YES1: variants seen among roughly 807,000 people sequenced by gnomAD.
YES1 encodes tyrosine-protein kinase Yes.
Under a neutral mutation model 70.4 loss-of-function variants are expected in YES1, and 39 were observed. The observed-to-expected ratio is 0.55, with a 90% CI of 0.43 to 0.72. YES1 has a LOEUF of 0.72. Ranked by LOEUF, YES1 falls within the 30% of genes least tolerant of loss-of-function variation. The pLI, the probability that YES1 is intolerant of heterozygous loss-of-function variation, is 0.00. For missense variants in YES1, 495 were observed against 644.8 expected (o/e 0.77, Z 2.52); for synonymous variants, 198 against 218.6 (o/e 0.91, Z 0.83).
chr18:764,993 C>T (rs1904806830), intron 1 of YES1, among the ~76,000 whole-genome samples: 1 of 151,868 alleles, frequency 6.6e-6, no homozygotes, highest in Non-Finnish European at 1.5e-5. Flanking sequence ...CTTAGCCTCC[C>T]AAAGGGCTGA....
chr18:734,189 G>C (rs564932454), intron 10 of YES1, among the ~76,000 whole-genome samples: 54 of 151,168 alleles, frequency 3.6e-4, no homozygotes, highest in Admixed American at 3.5e-3. Context: ...TGAGGCAGGA[G>C]AATTGCTTGA....
Position 749,631 on chromosome 18 carries a change from G to A in YES1, c.372-1613C>T, listed in dbSNP as rs569470958. Among the ~76,000 whole-genome samples the A allele has an allele frequency of 3.9e-5, 6 of 152,010 alleles. No individual in the cohort carries two copies. In the South Asian group the frequency reaches 8.3e-4, roughly 21 times the overall value. ...AGCACTTTGGGAGACCGAGGCAGGCGGATCACAAGGTCAGGAGATCGAGAC... is the reference window on the plus strand; with the variant it reads ...AGCACTTTGGGAGACCGAGGCAGGCAGATCACAAGGTCAGGAGATCGAGAC... On this transcript the variant is annotated intron_variant, in intron 3 of 11. Coordinates refer to ENST00000314574, the MANE Select transcript of YES1 (RefSeq NM_005433.4).
chr18:764,837 A>G (rs569644610), intron 1 of YES1, among the ~76,000 whole-genome samples: 33 of 151,692 alleles, frequency 2.2e-4, no homozygotes, highest in Admixed American at 1.9e-3. Context: ...GGTTCATGCG[A>G]TTCTCCTGCC....
At chr18:776,466 C>T (rs1022132403) in intron 1 of YES1, among the ~76,000 whole-genome samples, 3 of 151,984 alleles carry the variant, frequency 2.0e-5, no homozygotes, top group Non-Finnish European at 2.9e-5. Flanking sequence ...ATATGTTTAC[C>T]GGACATTATC....
intron 1 of YES1, among the ~76,000 whole-genome samples, chr18:785,600 G>A (rs114510419): frequency 1.1e-3 from 171 of 152,266 alleles, no homozygotes; most frequent in African/African-American, 4.0e-3. Context: ...AAGTTCACGT[G>A]TTGGAAGCTT....
At position 789,351 on chromosome 18, in the gene YES1, G is replaced by A. The variant is rs182004191; in HGVS notation, c.-9+22763C>T. Among the ~76,000 whole-genome samples the A allele has an allele frequency of 5.7e-3, 873 of 152,270 alleles. 6 individuals carry two copies. The highest frequency in any genetic ancestry group is 8.2e-3 in the Non-Finnish European group (560 of 68,024). ...AATCCCAACACTTTGGGAGGCTGAG[G>A]TGGGAGGATGGCTTGAGCCCAGGAG... On this transcript the variant is annotated intron_variant, in intron 1 of 11. Transcript: ENST00000314574.
chr18:786,496 T>TAC (rs56410052), intron 1 of YES1, among the ~76,000 whole-genome samples: 48,240 of 139,262 alleles, frequency 0.35, 8,313 homozygotes, highest in South Asian at 0.4. Context: ...AATAAGTCCA[T>TAC]ACACACACAC....
At chr18:728,008 T>C (rs922677800) in intron 11 of YES1, among the ~76,000 whole-genome samples, 5 of 152,168 alleles carry the variant, frequency 3.3e-5, no homozygotes, top group African/African-American at 1.2e-4. Flanking sequence ...CATAATGAGA[T>C]ATCTTAAGGG....
At chr18:774,333 G>A (rs1318330242) in intron 1 of YES1, among the ~76,000 whole-genome samples, 2 of 152,110 alleles carry the variant, frequency 1.3e-5, no homozygotes, top group Non-Finnish European at 2.9e-5. Flanking sequence ...GCAAATTGAT[G>A]ATTACCAGGT....
At chr18:780,183 C>T (rs138469185) in intron 1 of YES1, among the ~76,000 whole-genome samples, 54 of 152,230 alleles carry the variant, frequency 3.5e-4, no homozygotes, top group African/African-American at 1.3e-3. Flanking sequence ...CAAGATCATG[C>T]CACTGCCCTC....
intron 1 of YES1, among the ~76,000 whole-genome samples, chr18:805,197 T>C (rs1907039489): frequency 6.6e-6 from 1 of 152,192 alleles, no homozygotes; most frequent in Non-Finnish European, 1.5e-5. Flanking sequence ...ACCTACGTGG[T>C]ATAGCTGACT....
At chr18:738,674 A>G (rs1318970879) in intron 9 of YES1, 1 of 137,682 alleles carries the variant, frequency 7.3e-6, no homozygotes, top group African/African-American at 2.8e-5. Context: ...TGGGTGACAG[A>G]GCGAGACTCC....
chr18:784,695 A>G (rs1905848160), intron 1 of YES1, among the ~76,000 whole-genome samples: 1 of 152,112 alleles, frequency 6.6e-6, no homozygotes, highest in Non-Finnish European at 1.5e-5. Context: ...TAAGGCCTGG[A>G]ATGTTGTCTC....
At chr18:798,777 T>C (rs546073764) in intron 1 of YES1, among the ~76,000 whole-genome samples, 3 of 152,224 alleles carry the variant, frequency 2.0e-5, no homozygotes, top group African/African-American at 7.2e-5. Flanking sequence ...ACACTGTCCA[T>C]TAGAATTTTA....
chr18:733,810 A>G (rs1475493323), intron 10 of YES1, among the ~76,000 whole-genome samples: 1 of 142,758 alleles, frequency 7.0e-6, no homozygotes, highest in Non-Finnish European at 1.5e-5. Flanking sequence ...AAAAAAAAAA[A>G]GCATGGCTTT....
intron 1 of YES1, among the ~76,000 whole-genome samples, chr18:800,565 G>A (rs1906767259): frequency 6.6e-6 from 1 of 152,186 alleles, no homozygotes; most frequent in African/African-American, 2.4e-5. Flanking sequence ...GCTTATTAGG[G>A]AGGACAAAGG....
chr18:770,214 T>C (rs1229703814), intron 1 of YES1, among the ~76,000 whole-genome samples: 1 of 151,854 alleles, frequency 6.6e-6, no homozygotes, highest in Non-Finnish European at 1.5e-5. Flanking sequence ...TGCCTCGGCC[T>C]CCCAAAGTGC....
At chr18:803,132 G>A (rs1050198074) in intron 1 of YES1, among the ~76,000 whole-genome samples, 9 of 152,174 alleles carry the variant, frequency 5.9e-5, no homozygotes, top group Non-Finnish European at 8.8e-5. Context: ...GCTACTCAGA[G>A]ACCAAGGTGG....
chr18:743,213 A>T, intron 7 of YES1, 47 bp downstream of exon 7: 1 of 1,586,172 alleles, frequency 6.3e-7, no homozygotes, highest in East Asian at 2.2e-5. Context: ...GTTGCACTTT[A>T]ATCCACAGCT....
Sources: gnomAD v4.1 joint callset for allele counts (sites outside exome capture counted in the v4.1 genomes callset) on GRCh38, gnomAD v4.1.1 for gene constraint, MANE v1.5 for transcripts, NCBI Gene and HGNC (gene_info 2026-07-23, HGNC 2026-07-21) for gene names.